The following FOXN3 variants were observed in gnomAD, a reference collection of about 807,000 sequenced individuals.
FOXN3 encodes forkhead box protein N3.
FOXN3 carries 7 observed loss-of-function variants against 38.4 expected under a neutral mutation model. That is an observed-to-expected ratio of 0.18 (90% confidence interval 0.10 to 0.34). FOXN3 has a LOEUF of 0.34. Among genes scored for constraint, FOXN3 ranks in the 10% least tolerant of loss-of-function variants. The pLI, the probability that FOXN3 is intolerant of heterozygous loss-of-function variation, is 1.00. For synonymous variants in FOXN3, 230 were observed against 242.2 expected, an observed-to-expected ratio of 0.95 and a Z score of 0.47; for missense variants, 456 against 613.4, an observed-to-expected ratio of 0.74 and a Z score of 2.71.
chr14:89,408,268 A>G (rs1891444712), intron 2 of FOXN3, among the ~76,000 whole-genome samples: 2 of 151,306 alleles, frequency 1.3e-5, no homozygotes, highest in South Asian at 4.2e-4. Flanking sequence ...GGCCCAAGAA[A>G]ACGGGAATTT....
intron 4 of FOXN3, chr14:89,190,266 A>C (rs1317870180): frequency 1.4e-6 from 1 of 721,286 alleles, no homozygotes; most frequent in Non-Finnish European, 2.3e-6. Context: ...GTAGCTTTTA[A>C]AGTGATTCTA....
intron 4 of FOXN3, among the ~76,000 whole-genome samples, chr14:89,234,766 G>T (rs1281190966): frequency 1.3e-5 from 2 of 150,384 alleles, no homozygotes. Flanking sequence ...AGCTGGTAAG[G>T]AAAGTGGAGT....
chr14:89,234,657 C>G (rs1015537162), intron 4 of FOXN3, among the ~76,000 whole-genome samples: 1 of 151,620 alleles, frequency 6.6e-6, no homozygotes, highest in Non-Finnish European at 1.5e-5. Context: ...CTCCCTCCCC[C>G]ACTCCCCTGC....
intron 4 of FOXN3, among the ~76,000 whole-genome samples, chr14:89,226,732 T>C (rs1884652734): frequency 6.6e-6 from 1 of 152,168 alleles, no homozygotes; most frequent in South Asian, 2.1e-4. Context: ...GTTAAGATGG[T>C]CATACTCAAG....
chr14:89,407,660 C>T (rs1891429957), intron 2 of FOXN3, among the ~76,000 whole-genome samples: 1 of 151,680 alleles, frequency 6.6e-6, no homozygotes, highest in Non-Finnish European at 1.5e-5. Flanking sequence ...GGCGAAACCC[C>T]GTTTCTATGA....
intron 1 of FOXN3, among the ~76,000 whole-genome samples, chr14:89,578,435 A>G (rs1895677604): frequency 6.6e-6 from 1 of 152,048 alleles, no homozygotes; most frequent in South Asian, 2.1e-4. Context: ...CACCGCGTAC[A>G]TGCTAATAAC....
intron 3 of FOXN3, among the ~76,000 whole-genome samples, chr14:89,308,672 G>A (rs1473750385): frequency 1.3e-5 from 2 of 152,212 alleles, no homozygotes; most frequent in Non-Finnish European, 2.9e-5. Flanking sequence ...CTATGGCCTA[G>A]TTGGCCTGGC....
chr14:89,398,942 C>A (rs1226832082), intron 2 of FOXN3, among the ~76,000 whole-genome samples: 3 of 152,258 alleles, frequency 2.0e-5, no homozygotes, highest in African/African-American at 7.2e-5. Context: ...CAAGATCGTG[C>A]CATTGCACTC....
At chr14:89,466,508 G>T (rs1892977683) in intron 1 of FOXN3, among the ~76,000 whole-genome samples, 1 of 152,204 alleles carries the variant, frequency 6.6e-6, no homozygotes, top group African/African-American at 2.4e-5. Flanking sequence ...TTGGAAACGT[G>T]CTTGGAGTCC....
chr14:89,494,123 CACTT>C (rs1358892678), intron 1 of FOXN3: 1 of 152,170 alleles, frequency 6.6e-6, no homozygotes, highest in Non-Finnish European at 1.5e-5. Flanking sequence ...AATTCTTTTA[CACTT>C]ACTTAATATA....
intron 1 of FOXN3, among the ~76,000 whole-genome samples, chr14:89,546,329 C>CTTTTTTTTTCTTTTTT (rs1894880091): frequency 1.3e-5 from 1 of 78,328 alleles, no homozygotes; most frequent in Non-Finnish European, 2.3e-5. Context: ...TTTCCTTTTT[C>CTTTTTTTTTCTTTTTT]TTTTTTTTTT....
intron 1 of FOXN3, among the ~76,000 whole-genome samples, chr14:89,551,176 G>T (rs1894998727): frequency 6.6e-6 from 1 of 152,208 alleles, no homozygotes; most frequent in Non-Finnish European, 1.5e-5. Context: ...GCAGCAGAAG[G>T]CAAAAGAGCT....
chr14:89,574,884 A>C (rs1434728488), intron 1 of FOXN3, among the ~76,000 whole-genome samples: 1 of 152,146 alleles, frequency 6.6e-6, no homozygotes, highest in African/African-American at 2.4e-5. Context: ...CTTTAAAAAA[A>C]AAATTGTAAA....
intron 1 of FOXN3, among the ~76,000 whole-genome samples, chr14:89,565,708 C>A (rs1354971350): frequency 6.6e-6 from 1 of 152,140 alleles, no homozygotes; most frequent in Non-Finnish European, 1.5e-5. Context: ...GAACCCTATG[C>A]CCACAAGTAG....
intron 2 of FOXN3, among the ~76,000 whole-genome samples, chr14:89,380,338 A>G (rs954680540): frequency 1.3e-5 from 2 of 152,236 alleles, no homozygotes; most frequent in African/African-American, 4.8e-5. Flanking sequence ...TGAGTCCATT[A>G]AACCTCTTTC....
intron 1 of FOXN3, among the ~76,000 whole-genome samples, chr14:89,612,115 G>A (rs770975820): frequency 2.0e-5 from 3 of 152,022 alleles, no homozygotes; most frequent in Non-Finnish European, 2.9e-5. Flanking sequence ...ATTAATAGTC[G>A]GGTACCAAAG....
intron 1 of FOXN3, among the ~76,000 whole-genome samples, chr14:89,465,419 G>A (rs543826983): frequency 9.2e-5 from 14 of 152,098 alleles, no homozygotes; most frequent in South Asian, 2.1e-4. Context: ...TAGTAGAGAC[G>A]GGTTTTCAAC....
intron 2 of FOXN3, among the ~76,000 whole-genome samples, chr14:89,373,001 A>G (rs1329336190): frequency 6.6e-6 from 1 of 151,948 alleles, no homozygotes; most frequent in Non-Finnish European, 1.5e-5. Flanking sequence ...TCCCATCTCT[A>G]CCAAAAATTT....
chr14:89,565,568 G>C (rs1895332962), intron 1 of FOXN3, among the ~76,000 whole-genome samples: 1 of 152,142 alleles, frequency 6.6e-6, no homozygotes, highest in Admixed American at 6.5e-5. Context: ...AAGTGTTTGG[G>C]CTGGACGAGG....
Sources: allele counts gnomAD v4.1 joint callset (sites outside exome capture counted in the v4.1 genomes callset), GRCh38; gene constraint gnomAD v4.1.1; transcripts MANE v1.5; gene names NCBI Gene and HGNC (gene_info 2026-07-23, HGNC 2026-07-21).